Variants in MYO16 observed in about 807,000 individuals in gnomAD.
The protein encoded by MYO16 is unconventional myosin-XVI.
MYO16 carries 94 observed loss-of-function variants against 205.3 expected under a neutral mutation model. That is an observed-to-expected ratio of 0.46 (90% CI 0.39 to 0.54). The LOEUF (loss-of-function observed/expected upper bound fraction) is 0.54, where lower values mean the gene tolerates loss of function less well. Ranked by LOEUF, MYO16 falls within the 20% of genes least tolerant of loss-of-function variation. The pLI, the probability that MYO16 is intolerant of heterozygous loss-of-function variation, is 0.00. For missense variants in MYO16, 2,315 were observed against 2,387.5 expected, an observed-to-expected ratio of 0.97 and a Z score of 0.63; for synonymous variants, 988 against 954.0, an observed-to-expected ratio of 1.04 and a Z score of -0.66.
the MYO16 span, among the ~76,000 whole-genome samples, chr13:108,557,472 A>G: frequency 2.6e-5 from 4 of 152,236 alleles, no homozygotes; most frequent in Admixed American, 6.5e-5. Context: ...AAAAAACAGT[A>G]TAACATATAA....
At chr13:108,589,061 A>T in the MYO16 span, among the ~76,000 whole-genome samples, 4 of 152,344 alleles carry the variant, frequency 2.6e-5, no homozygotes, top group Non-Finnish European at 5.9e-5. Flanking sequence ...GACTAAAGCA[A>T]TGGCACAGGC....
chr13:109,137,851 C>T (rs1335146257), intron 31 of MYO16, among the ~76,000 whole-genome samples: 2 of 152,210 alleles, frequency 1.3e-5, no homozygotes, highest in African/African-American at 4.8e-5. Flanking sequence ...CAAATTACAA[C>T]CCTGCCCTAC....
upstream of MYO16, among the ~76,000 whole-genome samples, chr13:108,627,437 T>C (rs898304888): frequency 6.6e-6 from 1 of 152,202 alleles, no homozygotes; most frequent in Non-Finnish European, 1.5e-5. Flanking sequence ...TCTACATTTG[T>C]AGTCTTACAG....
At chr13:108,908,421 G>C (rs769487563) in intron 15 of MYO16, among the ~76,000 whole-genome samples, 1 of 152,178 alleles carries the variant, frequency 6.6e-6, no homozygotes. Context: ...GTAAATAGTG[G>C]TTCTAGTTGT....
At chr13:108,885,183 A>T (rs1336370974) in intron 13 of MYO16, among the ~76,000 whole-genome samples, 1 of 152,126 alleles carries the variant, frequency 6.6e-6, no homozygotes, top group Non-Finnish European at 1.5e-5. Flanking sequence ...GCAATGGCAC[A>T]ATCTCAGCTC....
chr13:108,524,905 T>C, the MYO16 span, among the ~76,000 whole-genome samples: 1,636 of 152,330 alleles, frequency 0.011, 20 homozygotes, highest in African/African-American at 0.033. Flanking sequence ...TTTGAAAATA[T>C]AAAGATGGGC....
At chr13:108,988,346 T>C (rs1279062093) in intron 20 of MYO16, among the ~76,000 whole-genome samples, 2 of 152,228 alleles carry the variant, frequency 1.3e-5, no homozygotes, top group African/African-American at 2.4e-5. Context: ...TAAATTATTT[T>C]AAATGATCAT....
chr13:109,037,485 A>G (rs185432452), intron 23 of MYO16, among the ~76,000 whole-genome samples: 18 of 152,316 alleles, frequency 1.2e-4, no homozygotes, highest in Admixed American at 5.2e-4. Context: ...CAGATTACCT[A>G]GGTAATGCCA....
intron 3 of MYO16, among the ~76,000 whole-genome samples, chr13:108,721,693 C>T (rs1371829645): frequency 6.6e-6 from 1 of 152,100 alleles, no homozygotes; most frequent in Non-Finnish European, 1.5e-5. Context: ...TTCAGTGATT[C>T]CAGAAGAATC....
At chr13:109,187,976 C>A (rs1277163637) in intron 34 of MYO16, among the ~76,000 whole-genome samples, 1 of 152,130 alleles carries the variant, frequency 6.6e-6, no homozygotes. Flanking sequence ...GTGGCTTTGT[C>A]CACACCTTTC....
chr13:109,122,686 CAAA>C (rs34459718), intron 29 of MYO16, among the ~76,000 whole-genome samples: 6 of 99,096 alleles, frequency 6.1e-5, no homozygotes, highest in East Asian at 2.8e-4. Flanking sequence ...AACTCTGTCT[CAAA>C]AAAAAAAAAA....
At chr13:108,855,347 A>C in intron 10 of MYO16, 96 bp from the exon 11 acceptor site, 1 of 613,468 alleles carries the variant, frequency 1.6e-6, no homozygotes, top group Non-Finnish European at 2.7e-6. Context: ...GGTTGTCTTC[A>C]AATGTTTGAC....
chr13:108,569,575 A>C, the MYO16 span, among the ~76,000 whole-genome samples: 1 of 152,096 alleles, frequency 6.6e-6, no homozygotes, highest in South Asian at 2.1e-4. Context: ...TCTATGTACA[A>C]GAGTATGTCT....
At position 108,714,581 on chromosome 13, in the gene MYO16, CGTGTGTGTGTCT is replaced by C. The variant is rs767136788; in HGVS notation, c.363+1861_363+1872del. Among the ~76,000 whole-genome samples the C allele has an allele frequency of 8.5e-3, 1,115 of 130,420 alleles. 12 individuals carry two copies. The highest frequency in any genetic ancestry group is 0.029 in the African/African-American group (1,050 of 35,698). The allele number at this position is 130,420 out of a possible 152,430, so 85.6% of individuals were successfully genotyped here. ...ACAGGGAGAGACTGTCACTTCTTCA[CGTGTGTGTGTCT>C]GTGTGTGTGTGTGTGTGTGTATATA... On this transcript the variant is annotated intron_variant, in intron 3 of 34. Transcript: ENST00000457511.
intron 4 of MYO16, among the ~76,000 whole-genome samples, chr13:108,729,045 G>C (rs373375975): frequency 6.6e-6 from 1 of 150,974 alleles, no homozygotes; most frequent in African/African-American, 2.4e-5. Context: ...TCAAATTCTG[G>C]AAGATGGAGG....
chr13:109,096,006 G>A (rs1255298359), intron 27 of MYO16, among the ~76,000 whole-genome samples: 1 of 152,356 alleles, frequency 6.6e-6, no homozygotes, highest in Non-Finnish European at 1.5e-5. Context: ...TAGCAACGGC[G>A]ATGAAGAGCT....
chr13:108,966,684 C>T (rs1883804426), intron 20 of MYO16, among the ~76,000 whole-genome samples: 1 of 152,156 alleles, frequency 6.6e-6, no homozygotes, highest in Non-Finnish European at 1.5e-5. Context: ...ACAGTATTCT[C>T]ATTTCTGTCG....
chr13:108,556,767 T>G, the MYO16 span, among the ~76,000 whole-genome samples: 9 of 152,106 alleles, frequency 5.9e-5, no homozygotes, highest in Non-Finnish European at 8.8e-5. Flanking sequence ...GTTTCAGATC[T>G]TGAATTGAAT....
intron 1 of MYO16, 39 bp from the exon 2 acceptor site, chr13:108,665,847 A>T: frequency 1.3e-6 from 2 of 1,589,900 alleles, no homozygotes; most frequent in South Asian, 2.3e-5. Context: ...AGTGGTTATA[A>T]TAATAGGTCT....
Sources: allele counts gnomAD v4.1 joint callset (sites outside exome capture counted in the v4.1 genomes callset), GRCh38; gene constraint gnomAD v4.1.1; transcripts MANE v1.5; gene names NCBI Gene and HGNC (gene_info 2026-07-23, HGNC 2026-07-21).